Variants in NALF1 observed in about 807,000 individuals in gnomAD.
NALF1 encodes NALCN channel auxiliary factor 1, also known as family with sequence similarity 155 member A.
A neutral mutation model predicts 48.4 loss-of-function variants in NALF1; 3 were observed. The observed-to-expected ratio is 0.06, with a 90% CI of 0.03 to 0.16. NALF1 has a LOEUF of 0.16. Ranked by LOEUF, NALF1 falls within the 10% of genes least tolerant of loss-of-function variation. The pLI is 1.00. For synonymous variants in NALF1, 262 were observed against 245.7 expected (o/e 1.07, Z -0.62); for missense variants, 526 against 571.5 (o/e 0.92, Z 0.81).
At chr13:107,394,871 AAGG>A (rs1883685868) in intron 1 of NALF1, among the ~76,000 whole-genome samples, 1 of 152,142 alleles carries the variant, frequency 6.6e-6, no homozygotes, top group African/African-American at 2.4e-5. Context: ...GGGAAGGAGG[AAGG>A]AGAACAAAAC....
Position 107,350,999 on chromosome 13 carries a change from C to T in NALF1, c.916-140244G>A, listed in dbSNP as rs183810167. On this transcript the variant is annotated intron_variant, in intron 1 of 2. Coordinates refer to ENST00000375915, the MANE Select transcript of NALF1 (RefSeq NM_001080396.3). The stretch of plus-strand genomic sequence containing the variant: ...GCACATCTGTAGTCCATTAAGTGAT[C>T]CCATGCTAAAAGGAGACATCGTTGA... Among the ~76,000 whole-genome samples, 47 of 152,310 alleles carry T rather than the reference C, an allele frequency of 3.1e-4. No individual in the cohort carries two copies. The East Asian group carries it at 7.1e-3, about 23-fold the overall frequency.
At chr13:107,610,753 A>G (rs142592613) in intron 1 of NALF1, among the ~76,000 whole-genome samples, 4 of 152,332 alleles carry the variant, frequency 2.6e-5, no homozygotes, top group East Asian at 3.9e-4. Context: ...TCATGAGCCT[A>G]TGCGCAGGGA....
intron 1 of NALF1, among the ~76,000 whole-genome samples, chr13:107,827,676 T>C (rs1396275982): frequency 2.0e-5 from 3 of 152,240 alleles, no homozygotes; most frequent in African/African-American, 7.2e-5. Context: ...TTTGTTAATA[T>C]AGATATAATC....
intron 1 of NALF1, among the ~76,000 whole-genome samples, chr13:107,560,012 A>G (rs1877600267): frequency 6.6e-6 from 1 of 152,160 alleles, no homozygotes; most frequent in Non-Finnish European, 1.5e-5. Flanking sequence ...GCTTCCCTCC[A>G]TAGAAAGGAA....
At chr13:107,368,237 C>T (rs1424886455) in intron 1 of NALF1, among the ~76,000 whole-genome samples, 2 of 152,122 alleles carry the variant, frequency 1.3e-5, no homozygotes, top group Non-Finnish European at 2.9e-5. Context: ...AAGCTCTCCA[C>T]TATGTGGCAT....
At chr13:107,503,753 T>TTGTG (rs1019555168) in intron 1 of NALF1, among the ~76,000 whole-genome samples, 5 of 70,898 alleles carry the variant, frequency 7.1e-5, no homozygotes, top group African/African-American at 3.9e-4. Context: ...GTGTGTGTGT[T>TTGTG]TGTGTGTGTG....
chr13:107,614,469 C>T (rs1054930085), intron 1 of NALF1, among the ~76,000 whole-genome samples: 4 of 152,166 alleles, frequency 2.6e-5, no homozygotes, highest in African/African-American at 9.7e-5. Flanking sequence ...AAACCTCCAC[C>T]CACATTTCCA....
intron 1 of NALF1, among the ~76,000 whole-genome samples, chr13:107,758,429 A>G (rs535411650): frequency 1.3e-5 from 2 of 152,254 alleles, no homozygotes; most frequent in African/African-American, 4.8e-5. Flanking sequence ...AGTCCATAAA[A>G]AGCATGTATA....
intron 1 of NALF1, among the ~76,000 whole-genome samples, chr13:107,590,411 C>T (rs1326070223): frequency 6.6e-6 from 1 of 151,920 alleles, no homozygotes; most frequent in East Asian, 1.9e-4. Flanking sequence ...ATCATGTGCT[C>T]AACAAGTTTG....
chr13:107,307,386 C>A lies in NALF1; in HGVS notation c.916-96631G>T, dbSNP rs74116006. Among the ~76,000 whole-genome samples, 521 of 152,232 alleles carry A rather than the reference C, an allele frequency of 3.4e-3. 2 individuals carry two copies. The highest frequency in any genetic ancestry group is 0.012 in the African/African-American group (497 of 41,528). ...CCAGGCACTGTCATCAGGATAGCAT[C>A]CCTGAATTAGGCAGAAAAAACTAAC... On this transcript the variant is annotated intron_variant, in intron 1 of 2. Coordinates refer to ENST00000375915, the MANE Select transcript of NALF1 (RefSeq NM_001080396.3).
chr13:107,774,026 T>C (rs2138572522), intron 1 of NALF1, among the ~76,000 whole-genome samples: 1 of 152,342 alleles, frequency 6.6e-6, no homozygotes, highest in East Asian at 1.9e-4. Context: ...TAAGTCAGCC[T>C]GTTATGCTTC....
chr13:107,290,149 T>G (rs1297296172), intron 1 of NALF1, among the ~76,000 whole-genome samples: 1 of 147,498 alleles, frequency 6.8e-6, no homozygotes, highest in Non-Finnish European at 1.5e-5. Context: ...CCTTTGCTCA[T>G]GACCCCTAAT....
At chr13:107,458,969 A>G (rs1396523654) in intron 1 of NALF1, among the ~76,000 whole-genome samples, 3 of 152,006 alleles carry the variant, frequency 2.0e-5, no homozygotes, top group Non-Finnish European at 4.4e-5. Flanking sequence ...AGAGAGGTAC[A>G]TCTGTTATAA....
At chr13:107,312,176 T>G (rs1168815272) in intron 1 of NALF1, among the ~76,000 whole-genome samples, 5 of 152,160 alleles carry the variant, frequency 3.3e-5, no homozygotes, top group Non-Finnish European at 5.9e-5. Flanking sequence ...CCAACCCAAA[T>G]GTCCAACAAT....
chr13:107,474,359 TTG>T (rs1215026749), intron 1 of NALF1, among the ~76,000 whole-genome samples: 3 of 152,154 alleles, frequency 2.0e-5, no homozygotes, highest in Non-Finnish European at 4.4e-5. Flanking sequence ...CTTTTAAGAA[TTG>T]TGTTAGTTTT....
chr13:107,551,958 G>A (rs1267630705), intron 1 of NALF1, among the ~76,000 whole-genome samples: 2 of 152,040 alleles, frequency 1.3e-5, no homozygotes, highest in Non-Finnish European at 2.9e-5. Context: ...TTAATTATAA[G>A]AAAATAGCCT....
chr13:107,819,683 T>TC (rs1879297897), intron 1 of NALF1, among the ~76,000 whole-genome samples: 1 of 136,468 alleles, frequency 7.3e-6, no homozygotes, highest in Admixed American at 7.4e-5. Context: ...CAGCTGGAAA[T>TC]TCTCTCTCTC....
At chr13:107,695,732 T>C (rs1239609991) in intron 1 of NALF1, among the ~76,000 whole-genome samples, 1 of 152,158 alleles carries the variant, frequency 6.6e-6, no homozygotes, top group Non-Finnish European at 1.5e-5. Context: ...ATATCTGTGC[T>C]CCTCTAACAT....
At chr13:107,641,727 A>G (rs114110558) in intron 1 of NALF1, among the ~76,000 whole-genome samples, 153 of 152,276 alleles carry the variant, frequency 1.0e-3, no homozygotes, top group African/African-American at 3.5e-3. Context: ...AGGTTCCTGG[A>G]TGGCAGATCT....
Sources: gnomAD v4.1 joint callset for allele counts (sites outside exome capture counted in the v4.1 genomes callset) on GRCh38, gnomAD v4.1.1 for gene constraint, MANE v1.5 for transcripts, NCBI Gene and HGNC (gene_info 2026-07-23, HGNC 2026-07-21) for gene names.